ANKRD30B: variants seen among roughly 807,000 people sequenced by gnomAD.
ANKRD30B encodes the protein ankyrin repeat domain-containing protein 30B.
In ANKRD30B, 144 loss-of-function variants were observed where a neutral mutation model predicts 202.2. The ratio of observed to expected loss-of-function variants is 0.71; its 90% CI spans 0.62 to 0.82. ANKRD30B has a LOEUF of 0.82. ANKRD30B is among the 40% of genes least tolerant of loss of function. ANKRD30B has a pLI of 0.00. For missense variants in ANKRD30B, 1,487 were observed against 1,669.1 expected, an observed-to-expected ratio of 0.89 and a Z score of 1.90; for synonymous variants, 508 against 561.3, an observed-to-expected ratio of 0.91 and a Z score of 1.34.
chr18:14,928,250 G>A, the ANKRD30B span, among the ~76,000 whole-genome samples: 66 of 152,110 alleles, frequency 4.3e-4, no homozygotes, highest in Non-Finnish European at 8.5e-4. Flanking sequence ...TTACAGGCGC[G>A]AGTCACCACG....
the ANKRD30B span, among the ~76,000 whole-genome samples, chr18:14,866,539 A>G: frequency 6.6e-6 from 1 of 152,126 alleles, no homozygotes; most frequent in Non-Finnish European, 1.5e-5. Flanking sequence ...GACCGTGCCC[A>G]ACGCTGGCAG....
At chr18:14,816,640 G>GCC in intron 30 of ANKRD30B, 1 of 131,106 alleles carries the variant, frequency 7.6e-6, no homozygotes. Flanking sequence ...GCCAGACTCT[G>GCC]TGAAAAAAAA....
At position 14,795,125 on chromosome 18, in the gene ANKRD30B, T is replaced by A. The variant is rs147430288; in HGVS notation, c.1826-1096T>A. ...TTTTCAATAACCATTACTCTAACAT[T>A]GAAATATGCAGGTTAATGATATGTA... On this transcript the variant is annotated intron_variant, in intron 16 of 43. Coordinates refer to ENST00000690538, the MANE Select transcript of ANKRD30B (RefSeq NM_001367607.2). Among the ~76,000 whole-genome samples the A allele has an allele frequency of 7.4e-3, 1,124 of 152,356 alleles. 6 individuals carry two copies. The highest frequency in any genetic ancestry group is 0.011 in the Non-Finnish European group (728 of 68,038).
At chr18:14,856,204 G>A (rs1167092820), downstream of ANKRD30B, among the ~76,000 whole-genome samples, 1 of 143,370 alleles carries the variant, frequency 7.0e-6, no homozygotes, top group Non-Finnish European at 1.6e-5. Flanking sequence ...TGTCATCCGT[G>A]AAGAGGCGCT....
At chr18:14,895,459 A>G in the ANKRD30B span, among the ~76,000 whole-genome samples, 1 of 152,226 alleles carries the variant, frequency 6.6e-6, no homozygotes, top group Non-Finnish European at 1.5e-5. Context: ...GTCACATGGG[A>G]AGACAATTTG....
At chr18:14,826,425 G>T (rs1168845997) in intron 32 of ANKRD30B, among the ~76,000 whole-genome samples, 1 of 152,086 alleles carries the variant, frequency 6.6e-6, no homozygotes, top group Non-Finnish European at 1.5e-5. Context: ...GAGTTGTTAG[G>T]TATAATGTTG....
rs545620677 is a variant in ANKRD30B, at chr18:14,791,341, G to T, written c.1735-60G>T. 6.5e-6 allele frequency: 9 copies of T among 1,395,166 alleles called. No homozygotes were observed. In the South Asian group the frequency reaches 7.6e-5, roughly 12 times the overall value. The allele number at this position is 1,395,166 out of a possible 1,614,324, so 86.4% of individuals were successfully genotyped here. A position where few individuals can be genotyped will look rare whatever the true frequency, so the allele number is the denominator to read the frequency against. On this transcript the variant is annotated intron_variant, in intron 15 of 43. Transcript: ENST00000690538. ...AAAAAGATTCTAGTTAGAAAATTTT[G>T]ATACTCTTCATTACTAGGATTTTTT...
intron 24 of ANKRD30B, among the ~76,000 whole-genome samples, chr18:14,805,380 A>T (rs1226256329): frequency 6.6e-6 from 1 of 151,042 alleles, no homozygotes; most frequent in Admixed American, 6.6e-5. Context: ...ATTGAGGGCC[A>T]ATTAAATTTG....
chr18:14,828,161 C>T (rs1219968788), intron 32 of ANKRD30B, 117 bp from the exon 33 acceptor site: 2 of 743,250 alleles, frequency 2.7e-6, no homozygotes, highest in East Asian at 2.8e-5. Context: ...TCCTGCCTCA[C>T]CTTCCCAAGT....
the ANKRD30B span, among the ~76,000 whole-genome samples, chr18:14,904,093 A>T: frequency 5.9e-5 from 9 of 152,296 alleles, no homozygotes; most frequent in African/African-American, 1.9e-4. Flanking sequence ...GGTTTCATCC[A>T]CCCACAGCAG....
the ANKRD30B span, among the ~76,000 whole-genome samples, chr18:14,914,447 G>T: frequency 1.3e-5 from 2 of 152,172 alleles, no homozygotes; most frequent in African/African-American, 4.8e-5. Flanking sequence ...AAAGACCAGA[G>T]AGCTCTGGGA....
chr18:14,913,844 A>C, the ANKRD30B span, among the ~76,000 whole-genome samples: 1 of 152,184 alleles, frequency 6.6e-6, no homozygotes, highest in Non-Finnish European at 1.5e-5. Flanking sequence ...GTAAAAGTAA[A>C]AATTAACATC....
chr18:14,929,144 C>G, the ANKRD30B span, among the ~76,000 whole-genome samples: 3 of 152,222 alleles, frequency 2.0e-5, no homozygotes, highest in Non-Finnish European at 2.9e-5. Flanking sequence ...GTGGCTCTCA[C>G]CCTTGTGTGT....
At chr18:14,828,632 C>T (rs1419890777) in intron 33 of ANKRD30B, among the ~76,000 whole-genome samples, 1 of 152,162 alleles carries the variant, frequency 6.6e-6, no homozygotes, top group East Asian at 1.9e-4. Flanking sequence ...TTGATGGAGA[C>T]CTGTGGATCA....
chr18:14,800,096 G>A (rs1387295842), intron 22 of ANKRD30B, among the ~76,000 whole-genome samples: 1 of 151,266 alleles, frequency 6.6e-6, no homozygotes, highest in East Asian at 2.0e-4. Flanking sequence ...GCCGGTTGTG[G>A]TGGTGGGTGC....
intron 39 of ANKRD30B, among the ~76,000 whole-genome samples, chr18:14,845,998 C>T (rs1407194488): frequency 6.6e-6 from 1 of 152,058 alleles, no homozygotes; most frequent in Admixed American, 6.6e-5. Flanking sequence ...ATGAAAATTG[C>T]AAGGACAAAG....
At chr18:14,754,206 A>T (rs991778658) in intron 3 of ANKRD30B, among the ~76,000 whole-genome samples, 7 of 152,180 alleles carry the variant, frequency 4.6e-5, no homozygotes, top group African/African-American at 1.7e-4. Flanking sequence ...TGACATTGGC[A>T]TCTGGGATCT....
chr18:14,798,197 G>A lies in ANKRD30B; in HGVS notation c.2029+343G>A, dbSNP rs142176191. Among the ~76,000 whole-genome samples the A allele has an allele frequency of 6.0e-4, 89 of 147,522 alleles. 2 individuals are homozygous for A. In the East Asian group the frequency reaches 0.016, roughly 26 times the overall value. ...AGGAGAATCACCGCCTTGTCGTCCC[G>A]TGGTGCCAACAATTCACTGGATATA... On this transcript the variant is annotated intron_variant, in intron 20 of 43. Coordinates refer to ENST00000690538, the MANE Select transcript of ANKRD30B (RefSeq NM_001367607.2).
At chr18:14,838,042 T>C (rs1254206950) in intron 36 of ANKRD30B, among the ~76,000 whole-genome samples, 1 of 152,168 alleles carries the variant, frequency 6.6e-6, no homozygotes, top group Non-Finnish European at 1.5e-5. Context: ...AAAAAGAAAT[T>C]ATTTTCTGAC....
Sources: gnomAD v4.1 joint callset for allele counts (sites outside exome capture counted in the v4.1 genomes callset) on GRCh38, gnomAD v4.1.1 for gene constraint, MANE v1.5 for transcripts, NCBI Gene and HGNC (gene_info 2026-07-23, HGNC 2026-07-21) for gene names.